Variants in OTOGL observed in about 807,000 individuals in gnomAD.
OTOGL encodes otogelin-like protein.
Under a neutral mutation model 318.5 loss-of-function variants are expected in OTOGL, and 285 were observed. That is an observed-to-expected ratio of 0.89 (90% confidence interval 0.81 to 0.99). The LOEUF is 0.99. Ranked by LOEUF, OTOGL falls within the 50% of genes least tolerant of loss-of-function variation. The pLI is 0.00. For missense variants in OTOGL, 2,899 were observed against 2,845.6 expected, an observed-to-expected ratio of 1.02 and a Z score of -0.43; for synonymous variants, 987 against 936.5, an observed-to-expected ratio of 1.05 and a Z score of -0.99.
chr12:80,250,051 T>G (rs1445991531), intron 11 of OTOGL, among the ~76,000 whole-genome samples: 4 of 151,950 alleles, frequency 2.6e-5, no homozygotes, highest in African/African-American at 9.7e-5. Context: ...CCCACTGACC[T>G]GCGCCCACTG....
At chr12:80,291,892 C>T (rs1885063800) in intron 26 of OTOGL, among the ~76,000 whole-genome samples, 2 of 152,224 alleles carry the variant, frequency 1.3e-5, no homozygotes, top group Non-Finnish European at 2.9e-5. Context: ...ATTTTGCTCA[C>T]AAGAGCATAC....
At chr12:80,150,260 T>A (rs1250454745) in intron 1 of OTOGL, among the ~76,000 whole-genome samples, 1 of 152,232 alleles carries the variant, frequency 6.6e-6, no homozygotes, top group Non-Finnish European at 1.5e-5. Context: ...ATTATATTTG[T>A]CCTCTATGTG....
At position 80,333,034 on chromosome 12, in the gene OTOGL, A is replaced by C. The variant is rs372123718; in HGVS notation, c.4378A>C (p.Thr1460Pro). The C allele has an allele frequency of 1.1e-5, 17 of 1,602,032 alleles. No homozygotes were observed. In the African/African-American group the frequency reaches 2.1e-4, roughly 20 times the overall value. Residue 1460 changes from threonine (T) to proline (P), a missense_variant, in exon 38 of 59, where the codon ACT (threonine) becomes CCT (proline). This residue lies in a region of OTOGL where 2,607 missense variants were observed against 2,524.9 expected (regional missense o/e 1.03). Coordinates refer to ENST00000547103, the MANE Select transcript of OTOGL (RefSeq NM_001378609.3). ...VWEMITPSDI[T>P]VFDMLTPTTG... ...GGAAATGATTACTCCATCAGACATC[A>C]CTGTGTTTGATATGCTAACACCAAC...
At chr12:80,329,270 C>T (rs1446839222) in intron 37 of OTOGL, among the ~76,000 whole-genome samples, 151 bp downstream of exon 37, 1 of 152,184 alleles carries the variant, frequency 6.6e-6, no homozygotes, top group Non-Finnish European at 1.5e-5. Context: ...TTAAGCTTGT[C>T]CATTGGCTCA....
chr12:80,372,838 G>A (rs557728059), intron 57 of OTOGL, among the ~76,000 whole-genome samples: 28 of 152,004 alleles, frequency 1.8e-4, no homozygotes, highest in African/African-American at 4.3e-4. Context: ...ACACGCATGC[G>A]CCATCACGTC....
rs1891333366 is a variant in OTOGL, at chr12:80,379,082, A to G, written c.*1034A>G. 1 of 152,480 alleles carries G rather than the reference A, an allele frequency of 6.6e-6. No individual in the cohort carries two copies. Among genetic ancestry groups the G allele is most frequent in the African/African-American group, 2.4e-5 (1 of 41,446 alleles). 9.4% of individuals were successfully genotyped at this position (152,480 alleles called of 1,614,324 possible). ...TGAAATAAATTTATCTGAATGTATC[A>G]ATAACTTTAAAATGGAATGCTGCAC... On this transcript the variant is annotated 3_prime_UTR_variant, in exon 59 of 59. Transcript: ENST00000547103.
chr12:80,190,017 G>C (rs1466026284), intron 1 of OTOGL, among the ~76,000 whole-genome samples: 1 of 152,218 alleles, frequency 6.6e-6, no homozygotes, highest in Non-Finnish European at 1.5e-5. Flanking sequence ...CCTGACCACA[G>C]CATCTCCGGC....
chr12:80,306,231 T>A (rs1432300700), intron 29 of OTOGL, among the ~76,000 whole-genome samples: 1 of 152,204 alleles, frequency 6.6e-6, no homozygotes, highest in Non-Finnish European at 1.5e-5. Flanking sequence ...CTTTCAAAGG[T>A]TTCTTGAGGC....
chr12:80,368,181 C>G, intron 54 of OTOGL, 24 bp from the exon 55 acceptor site: 1 of 1,479,890 alleles, frequency 6.8e-7, no homozygotes, highest in Non-Finnish European at 9.3e-7. Context: ...TATGGTGTCG[C>G]TAATCTAATA....
chr12:80,206,684 G>A (rs1386375206), intron 1 of OTOGL, among the ~76,000 whole-genome samples: 1 of 148,922 alleles, frequency 6.7e-6, no homozygotes, highest in African/African-American at 2.5e-5. Flanking sequence ...TAATTGTTTT[G>A]TATTTTTTTT....
At chr12:80,244,158 T>G (rs1179294145) in intron 11 of OTOGL, among the ~76,000 whole-genome samples, 2 of 148,828 alleles carry the variant, frequency 1.3e-5, no homozygotes, top group Non-Finnish European at 1.5e-5. Flanking sequence ...GAAAGTCCTA[T>G]TTTTTCTTTT....
chr12:80,377,194 C>T lies in OTOGL; in HGVS notation c.6853C>T (p.Gln2285Ter). 6.3e-7 allele frequency: 1 copy of T among 1,599,496 alleles called. No individual in the cohort carries two copies. The highest frequency in any genetic ancestry group is 8.5e-7 in the Non-Finnish European group (1 of 1,170,820). The change falls in exon 58 of 59, where the codon CAA becomes TAA. Residue 2285 changes from glutamine to a stop codon, truncating the protein, a stop_gained. Transcript: ENST00000547103. LOFTEE classifies it high-confidence loss of function. ...SVIRKQDCMSQSPINVASCDG... is the reference protein window; with the variant it reads ...SVIRKQDCMS ...CATAAGGAAACAGGACTGTATGAGC[C>T]AAAGCCCTGTAAGTGGAAAAATGTC...
chr12:80,102,700 T>G (rs904961561), intron 1 of OTOGL, among the ~76,000 whole-genome samples: 1 of 152,162 alleles, frequency 6.6e-6, no homozygotes. Flanking sequence ...TATGTCAGAC[T>G]GTGTTCTTCC....
intron 1 of OTOGL, among the ~76,000 whole-genome samples, chr12:80,122,938 C>T (rs1870575452): frequency 6.7e-6 from 1 of 149,390 alleles, no homozygotes; most frequent in South Asian, 2.1e-4. Flanking sequence ...TGCTCACTTT[C>T]CCTGGAGTCC....
Position 80,194,690 on chromosome 12 carries a change from T to C in OTOGL, c.-19-14723T>C, listed in dbSNP as rs74108550. Among the ~76,000 whole-genome samples the C allele has an allele frequency of 3.5e-3, 530 of 152,306 alleles. 3 individuals are homozygous for C. The highest frequency in any genetic ancestry group is 0.012 in the African/African-American group (506 of 41,570). ...ATACTAGAGAGCGCTCTAAAATATA[T>C]TTAATGTAGCACTTACATTTATTTT... On this transcript the variant is annotated intron_variant, in intron 1 of 58. Transcript: ENST00000547103.
intron 44 of OTOGL, among the ~76,000 whole-genome samples, chr12:80,349,058 GA>G (rs1346659047): frequency 6.6e-6 from 1 of 151,418 alleles, no homozygotes; most frequent in East Asian, 2.0e-4. Context: ...AGAGGATACA[GA>G]AGAATCAGCT....
intron 1 of OTOGL, among the ~76,000 whole-genome samples, chr12:80,184,405 A>C (rs1875140978): frequency 6.6e-6 from 1 of 152,216 alleles, no homozygotes; most frequent in South Asian, 2.1e-4. Context: ...TAGCTAATGT[A>C]AAGGAGTTGA....
chr12:80,104,897 C>A (rs1869365376), intron 1 of OTOGL, among the ~76,000 whole-genome samples: 1 of 152,098 alleles, frequency 6.6e-6, no homozygotes, highest in African/African-American at 2.4e-5. Context: ...GAGTTCGACA[C>A]CTGCCTGACC....
intron 57 of OTOGL, among the ~76,000 whole-genome samples, chr12:80,373,889 G>T (rs10746156): frequency 0.71 from 108,434 of 151,822 alleles, 40,685 homozygotes; most frequent in Non-Finnish European, 0.84. Flanking sequence ...ACAAGTTTTA[G>T]GAGAGGGCAG....
Sources: allele counts gnomAD v4.1 joint callset (sites outside exome capture counted in the v4.1 genomes callset), GRCh38; gene constraint gnomAD v4.1.1; regional missense constraint gnomAD v4.1.1; transcripts MANE v1.5; gene names NCBI Gene and HGNC (gene_info 2026-07-23, HGNC 2026-07-21).